Variants in CIAO3 observed in about 807,000 individuals in gnomAD.
CIAO3 encodes cytosolic iron-sulfur assembly component 3.
In CIAO3, 45 loss-of-function variants were observed where a neutral mutation model predicts 51.5. The observed-to-expected ratio is 0.87, with a 90% CI of 0.69 to 1.12. CIAO3 has a LOEUF of 1.12. Among genes scored for constraint, CIAO3 ranks in the 50% most tolerant of loss-of-function variants. The probability of loss-of-function intolerance (pLI) is 0.00; values close to 1 mark genes in which losing one functional copy is unlikely to be tolerated. For synonymous variants in CIAO3, 314 were observed against 269.3 expected, an observed-to-expected ratio of 1.17 and a Z score of -1.63; for missense variants, 668 against 632.5, an observed-to-expected ratio of 1.06 and a Z score of -0.60.
intron 2 of CIAO3, 145 bp downstream of exon 2, chr16:739,498 G>T (rs950825826): frequency 1.2e-6 from 1 of 804,094 alleles, no homozygotes; most frequent in Non-Finnish European, 2.1e-6. Flanking sequence ...CAGCCTCCCA[G>T]ATGGCAGGTG....
Position 731,713 on chromosome 16 carries a change from G to T in CIAO3, c.897-11C>A. 6.5e-7 allele frequency: 1 copy of T among 1,545,578 alleles called. No homozygotes were observed. The highest frequency in any genetic ancestry group is 2.4e-5 in the East Asian group (1 of 41,708). Reference sequence around the variant, plus strand: ...GAGGCACCGCTGCACCTGGCAAGGAGGGAGGGGCCTCAGCACAGCTGGGGC... The same window carrying T: ...GAGGCACCGCTGCACCTGGCAAGGATGGAGGGGCCTCAGCACAGCTGGGGC... On this transcript the variant is annotated splice_polypyrimidine_tract_variant and intron_variant, in intron 8 of 10. Transcript: ENST00000251588.
Position 737,426 on chromosome 16 carries a change from T to C in CIAO3, c.163-97A>G. On this transcript the variant is annotated intron_variant, in intron 2 of 10. Transcript: ENST00000251588. This position sits in a 1 kb window ranked among gnomAD's most constrained non-coding sequence, Gnocchi z 5.3. ...TCCAGCTCATAACCGACAACCAACA[T>C]GGCTGCTGGCTGGGCTTGTGTGCCG... 1 of 1,587,090 alleles carries C rather than the reference T, an allele frequency of 6.3e-7. No homozygotes were observed. Among genetic ancestry groups the C allele is most frequent in the Non-Finnish European group, 8.6e-7 (1 of 1,165,084 alleles).
chr16:739,575 G>T, intron 2 of CIAO3, 68 bp downstream of exon 2: 1 of 1,471,534 alleles, frequency 6.8e-7, no homozygotes, highest in Non-Finnish European at 9.5e-7. Context: ...TGTGACGGGA[G>T]GAAGCAGAGA....
chr16:739,879 C>A, intron 1 of CIAO3, 141 bp from the exon 2 acceptor site: 1 of 1,209,984 alleles, frequency 8.3e-7, no homozygotes, highest in South Asian at 1.4e-5. Flanking sequence ...AGGCTGGTCC[C>A]ACCGTCTTCT....
Position 729,942 on chromosome 16 carries a change from C to G in CIAO3, c.*475G>C, listed in dbSNP as rs2041252668. 1.4e-5 allele frequency: 5 copies of G among 347,904 alleles called. No homozygotes were observed. The highest frequency in any genetic ancestry group is 1.2e-4 in the South Asian group (5 of 42,222). 21.6% of individuals were successfully genotyped at this position (347,904 alleles called of 1,614,324 possible). A position where few individuals can be genotyped will look rare whatever the true frequency, so the allele number is the denominator to read the frequency against. On this transcript the variant is annotated 3_prime_UTR_variant, in exon 11 of 11. Coordinates refer to ENST00000251588, the MANE Select transcript of CIAO3 (RefSeq NM_022493.3). ...GCCTGGCACCCCCCCCTGCCAGGGT[C>G]CACACGCAGGGTTGTGGCGGGACCA...
chr16:735,040 G>T, intron 4 of CIAO3, 169 bp from the exon 5 acceptor site: 1 of 904,582 alleles, frequency 1.1e-6, no homozygotes, highest in Non-Finnish European at 1.6e-6. Context: ...TTGCGCCAAA[G>T]CCCCAGCCCC....
chr16:737,974 A>G lies in CIAO3; in HGVS notation c.163-645T>C. 15 of 1,165,632 alleles carry G rather than the reference A, an allele frequency of 1.3e-5. No homozygotes were observed. Among genetic ancestry groups the G allele is most frequent in the Non-Finnish European group, 1.6e-5 (15 of 932,278 alleles). The allele number at this position is 1,165,632 out of a possible 1,614,324, so 72.2% of individuals were successfully genotyped here. A position where few individuals can be genotyped will look rare whatever the true frequency, so the allele number is the denominator to read the frequency against. ...GTTTGAGCAGGGCCAGGGGTGCTGCAGTGGCCCGGAATACAGCCAGAGGAG... is the reference window on the plus strand; with the variant it reads ...GTTTGAGCAGGGCCAGGGGTGCTGCGGTGGCCCGGAATACAGCCAGAGGAG... On this transcript the variant is annotated intron_variant, in intron 2 of 10. Coordinates refer to ENST00000251588, the MANE Select transcript of CIAO3 (RefSeq NM_022493.3). This position sits in a 1 kb window ranked among gnomAD's most constrained non-coding sequence, Gnocchi z 5.3.
intron 7 of CIAO3, 88 bp downstream of exon 7, chr16:733,210 A>G: frequency 1.3e-6 from 2 of 1,525,670 alleles, no homozygotes; most frequent in Non-Finnish European, 1.8e-6. Context: ...CCCCACAGGC[A>G]GGATCCTGGG....
Position 737,277 on chromosome 16 carries a change from A to G in CIAO3, c.215T>C (p.Leu72Pro), listed in dbSNP as rs1567345941. The change falls in exon 3 of 11, where the codon CTG (leucine) becomes CCG (proline). Residue 72 changes from leucine (L) to proline (P), a missense_variant. By Grantham distance (98) the Leu-to-Pro change is moderately conservative (BLOSUM62 -3). Transcript: ENST00000251588. The surrounding 1 kb of genome is among the most constrained non-coding windows in gnomAD (Gnocchi z 5.3). Reference sequence around the variant, plus strand: ...GGAGGTGATGCAGCCGCTGCACGCCAGGCAGTCGTTTAGCGAGACCTTGGC... The same window carrying G: ...GGAGGTGATGCAGCCGCTGCACGCCGGGCAGTCGTTTAGCGAGACCTTGGC... The part of the protein sequence containing the change: ...EKAKVSLNDC[L>P]ACSGCITSAE... The G allele has an allele frequency of 6.2e-7, 1 of 1,613,498 alleles. No individual in the cohort carries two copies. The highest frequency in any genetic ancestry group is 8.5e-7 in the Non-Finnish European group (1 of 1,180,008).
Position 739,703 on chromosome 16 carries a change from C to T in CIAO3, c.102G>A (p.Ala34=), listed in dbSNP as rs752296998. ...CIKPVKVEKR[A]GSGVAKIRIE... ...TGCGAATCTTGGCCACGCCACTTCC[C>T]GCCCTTTTTTCCACTTTGACAGGCT... The change falls in exon 2 of 11, where the codon GCG becomes GCA. Residue 34 remains alanine (A), a synonymous_variant. Transcript: ENST00000251588. 13 of 1,614,010 alleles carry T rather than the reference C, an allele frequency of 8.1e-6. No homozygotes were observed. The highest frequency in any genetic ancestry group is 1.6e-4 in the Middle Eastern group (1 of 6,082).
At position 731,622 on chromosome 16, in the gene CIAO3, T is replaced by G; in HGVS notation, c.977A>C (p.His326Pro). The change falls in exon 9 of 11, where the codon CAC becomes CCC. Residue 326 changes from histidine (H) to proline (P), a missense_variant. Transcript: ENST00000251588. ...GATTCCAAAGAGCTCTCGGGCCGCGTGCCGGAACACGTGCTCCAGGTAGCC... is the reference window on the plus strand; with the variant it reads ...GATTCCAAAGAGCTCTCGGGCCGCGGGCCGGAACACGTGCTCCAGGTAGCC... ...SGGYLEHVFR[H>P]AARELFGIHV... 1 of 1,562,106 alleles carries G rather than the reference T, an allele frequency of 6.4e-7. No individual in the cohort carries two copies. The highest frequency in any genetic ancestry group is 8.7e-7 in the Non-Finnish European group (1 of 1,153,616).
intron 5 of CIAO3, 100 bp downstream of exon 5, chr16:734,637 T>A (rs1446477034): frequency 1.3e-6 from 2 of 1,598,086 alleles, no homozygotes; most frequent in Non-Finnish European, 1.7e-6. Context: ...TGCTTGCGTC[T>A]CCACCCCCCA....
Position 730,311 on chromosome 16 carries a change from C to G in CIAO3, c.*106G>C, listed in dbSNP as rs1040680826. Reference sequence around the variant, plus strand: ...TAGCTCCTACTCGGGTCCCAGCACACCCTGCAGCTCACTCAGAATTTTGGG... The same window carrying G: ...TAGCTCCTACTCGGGTCCCAGCACAGCCTGCAGCTCACTCAGAATTTTGGG... On this transcript the variant is annotated 3_prime_UTR_variant, in exon 11 of 11. Transcript: ENST00000251588. 1 of 1,183,060 alleles carries G rather than the reference C, an allele frequency of 8.5e-7. No homozygotes were observed. The allele number at this position is 1,183,060 out of a possible 1,614,324, so 73.3% of individuals were successfully genotyped here.
chr16:740,164 C>G (rs2041377307), intron 1 of CIAO3: 2 of 1,251,362 alleles, frequency 1.6e-6, no homozygotes, highest in African/African-American at 1.5e-5. Context: ...CTCTCTTCTC[C>G]TTGAGAACCC....
At position 730,348 on chromosome 16, in the gene CIAO3, G is replaced by A. The variant is rs959233059; in HGVS notation, c.*69C>T. Reference sequence around the variant, plus strand: ...CTCAGAATTTTGGGGGAAGCCCTGGGGTCTTGGGGCATGTGGTTCTGCTGT... The same window carrying A: ...CTCAGAATTTTGGGGGAAGCCCTGGAGTCTTGGGGCATGTGGTTCTGCTGT... On this transcript the variant is annotated 3_prime_UTR_variant, in exon 11 of 11. Coordinates refer to ENST00000251588, the MANE Select transcript of CIAO3 (RefSeq NM_022493.3). 3.6e-5 allele frequency: 53 copies of A among 1,472,544 alleles called. No homozygotes were observed. Among genetic ancestry groups the A allele is most frequent in the South Asian group, 8.3e-5 (7 of 84,164 alleles). The allele number at this position is 1,472,544 out of a possible 1,614,324, so 91.2% of individuals were successfully genotyped here.
chr16:734,712 C>G (rs774549948), intron 5 of CIAO3, 25 bp downstream of exon 5: 1 of 1,612,774 alleles, frequency 6.2e-7, no homozygotes, highest in Non-Finnish European at 8.5e-7. Flanking sequence ...ACTTGACTCT[C>G]CCACCACCCG....
At chr16:740,251 C>T in intron 1 of CIAO3, 1 of 471,488 alleles carries the variant, frequency 2.1e-6, no homozygotes. Flanking sequence ...CCCTGCTCAG[C>T]TCTGGCCCCG....
At chr16:733,686 C>T (rs1300241010) in intron 6 of CIAO3, 1 of 500,928 alleles carries the variant, frequency 2.0e-6, no homozygotes, top group Non-Finnish European at 3.6e-6. Context: ...GAGAAGTGGC[C>T]TTCCCACGGC....
Position 730,323 on chromosome 16 carries a change from C to G in CIAO3, c.*94G>C. On this transcript the variant is annotated 3_prime_UTR_variant, in exon 11 of 11. Coordinates refer to ENST00000251588, the MANE Select transcript of CIAO3 (RefSeq NM_022493.3). ...GGGTCCCAGCACACCCTGCAGCTCA[C>G]TCAGAATTTTGGGGGAAGCCCTGGG... 7.6e-7 allele frequency: 1 copy of G among 1,307,782 alleles called. No homozygotes were observed. Among genetic ancestry groups the G allele is most frequent in the Non-Finnish European group, 1.1e-6 (1 of 932,684 alleles). 81.0% of individuals were successfully genotyped at this position (1,307,782 alleles called of 1,614,324 possible).
Sources: gnomAD v4.1 joint callset for allele counts on GRCh38, gnomAD v4.1.1 for gene constraint, Gnocchi (gnomAD v3.1) non-coding constraint, MANE v1.5 for transcripts, NCBI Gene and HGNC (gene_info 2026-07-23, HGNC 2026-07-21) for gene names.